OTOGL: variants seen among roughly 807,000 people sequenced by gnomAD.
OTOGL encodes the protein otogelin-like protein.
OTOGL carries 285 observed loss-of-function variants against 318.5 expected under a neutral mutation model. That is an observed-to-expected ratio of 0.89 (90% CI 0.81 to 0.99). The LOEUF (loss-of-function observed/expected upper bound fraction) is 0.99, where lower values mean the gene tolerates loss of function less well. OTOGL is among the 50% of genes least tolerant of loss of function. OTOGL has a pLI of 0.00. For missense variants in OTOGL, 2,899 were observed against 2,845.6 expected, an observed-to-expected ratio of 1.02 and a Z score of -0.43; for synonymous variants, 987 against 936.5, an observed-to-expected ratio of 1.05 and a Z score of -0.99.
intron 11 of OTOGL, among the ~76,000 whole-genome samples, chr12:80,250,077 T>A (rs958872963): frequency 1.3e-5 from 2 of 151,986 alleles, no homozygotes; most frequent in Admixed American, 6.6e-5. Flanking sequence ...CACTCCCTAG[T>A]GAGATGAACC....
chr12:80,248,713 C>G (rs1213638278), intron 11 of OTOGL, among the ~76,000 whole-genome samples: 4 of 145,360 alleles, frequency 2.8e-5, no homozygotes, highest in Non-Finnish European at 6.1e-5. Context: ...CGTTGGCCTG[C>G]CTTGCTAGAT....
chr12:80,112,802 A>G (rs1240974375), intron 1 of OTOGL, among the ~76,000 whole-genome samples: 4 of 131,240 alleles, frequency 3.0e-5, no homozygotes, highest in South Asian at 2.3e-4. Flanking sequence ...CTCTTTTTCT[A>G]TTGTTTGGAA....
chr12:80,205,956 C>T lies in OTOGL; in HGVS notation c.-19-3457C>T, dbSNP rs557601681. On this transcript the variant is annotated intron_variant, in intron 1 of 58. Coordinates refer to ENST00000547103, the MANE Select transcript of OTOGL (RefSeq NM_001378609.3). ...AATGTGTTGGGTTGAGGCCAATAGGCTGTCAGGTGTCACTTTCTAAAGATC... is the reference window on the plus strand; with the variant it reads ...AATGTGTTGGGTTGAGGCCAATAGGTTGTCAGGTGTCACTTTCTAAAGATC... 1.8e-4 allele frequency among the ~76,000 whole-genome samples: 28 copies of T among 152,290 alleles called. No homozygotes were observed. The South Asian group carries it at 5.8e-3, about 32-fold the overall frequency.
intron 43 of OTOGL, 69 bp from the exon 44 acceptor site, chr12:80,341,879 A>G: frequency 9.9e-7 from 1 of 1,011,576 alleles, no homozygotes; most frequent in East Asian, 2.6e-5. Context: ...TCAATTATTT[A>G]ACTGATTTAG....
chr12:80,102,691 ATGTCAGAC>A (rs1470184923), intron 1 of OTOGL, among the ~76,000 whole-genome samples: 19 of 152,250 alleles, frequency 1.2e-4, no homozygotes, highest in African/African-American at 4.1e-4. Flanking sequence ...TTTGAAAAAT[ATGTCAGAC>A]TGTGTTCTTC....
chr12:80,224,807 CA>C (rs1481622872), intron 7 of OTOGL, among the ~76,000 whole-genome samples: 1 of 151,900 alleles, frequency 6.6e-6, no homozygotes, highest in Non-Finnish European at 1.5e-5. Flanking sequence ...TTTAAGGCTA[CA>C]AATCTTCGTG....
At chr12:80,333,227 T>C (rs1888190556) in intron 38 of OTOGL, 149 bp downstream of exon 38, 7 of 659,922 alleles carry the variant, frequency 1.1e-5, no homozygotes, top group South Asian at 2.2e-5. Context: ...ATGCATTTCA[T>C]TGGAACAATT....
intron 35 of OTOGL, among the ~76,000 whole-genome samples, chr12:80,328,305 TG>T: frequency 1.4e-5 from 2 of 140,976 alleles, no homozygotes; most frequent in Admixed American, 1.5e-4. Flanking sequence ...GGTGACAGAG[TG>T]AGACCCTGTC....
intron 44 of OTOGL, among the ~76,000 whole-genome samples, chr12:80,345,235 A>AT (rs1342807856): frequency 2.2e-5 from 3 of 138,028 alleles, no homozygotes; most frequent in Admixed American, 1.5e-4. Flanking sequence ...TATTATATAT[A>AT]TATATTTTTT....
intron 52 of OTOGL, among the ~76,000 whole-genome samples, chr12:80,359,331 A>G (rs1592754310): frequency 6.6e-6 from 1 of 152,270 alleles, no homozygotes; most frequent in East Asian, 1.9e-4. Flanking sequence ...ACCTTATAGA[A>G]ATTTCAAATA....
Position 80,271,714 on chromosome 12 carries a change from G to A in OTOGL, c.2585G>A (p.Gly862Asp). ...TTTCCTGACCCTGAATTACCAGCTG[G>A]TGGTGTTAATTGTGAGACTACATGT... The part of the protein sequence containing the change: ...CRFPDPELPA[G>D]GVNCETTCAN... Residue 862 changes from glycine (G) to aspartate (D), a missense_variant, in exon 24 of 59, where the codon GGT (glycine) becomes GAT (aspartate). By Grantham distance (94) the Gly-to-Asp change is moderately conservative (BLOSUM62 -1). Coordinates refer to ENST00000547103, the MANE Select transcript of OTOGL (RefSeq NM_001378609.3). 2.5e-6 allele frequency: 4 copies of A among 1,612,926 alleles called. No homozygotes were observed. The highest frequency in any genetic ancestry group is 3.4e-6 in the Non-Finnish European group (4 of 1,179,282).
At chr12:80,276,572 G>A (rs572885705) in intron 24 of OTOGL, among the ~76,000 whole-genome samples, 202 of 151,670 alleles carry the variant, frequency 1.3e-3, no homozygotes, top group African/African-American at 4.7e-3. Context: ...AGATTGCATC[G>A]AATTGAGTTG....
chr12:80,135,419 C>T (rs920547144), intron 1 of OTOGL, among the ~76,000 whole-genome samples: 1 of 151,702 alleles, frequency 6.6e-6, no homozygotes, highest in Non-Finnish European at 1.5e-5. Flanking sequence ...ATTACAGGTG[C>T]CTACCACCAT....
chr12:80,143,827 A>G (rs1872119396), intron 1 of OTOGL, among the ~76,000 whole-genome samples: 1 of 152,176 alleles, frequency 6.6e-6, no homozygotes, highest in South Asian at 2.1e-4. Flanking sequence ...TTTTATTTAT[A>G]GAATAGTGAT....
At chr12:80,241,093 C>T (rs929091656) in intron 11 of OTOGL, among the ~76,000 whole-genome samples, 1 of 151,884 alleles carries the variant, frequency 6.6e-6, no homozygotes, top group African/African-American at 2.4e-5. Context: ...TCTTGAGTAG[C>T]TCATTAAGAG....
Position 80,242,433 on chromosome 12 carries a change from G to T in OTOGL, c.1052+2994G>T, listed in dbSNP as rs1176083111. 2.0e-5 allele frequency among the ~76,000 whole-genome samples: 3 copies of T among 152,134 alleles called. No individual in the cohort carries two copies. In the East Asian group the frequency reaches 5.8e-4, roughly 29 times the overall value. ...TTAAGTGGACGTTGATAAAATGGAA[G>T]TGAGAAGCTGCCAGAGCCAGCCTTT... On this transcript the variant is annotated intron_variant, in intron 11 of 58. Coordinates refer to ENST00000547103, the MANE Select transcript of OTOGL (RefSeq NM_001378609.3).
chr12:80,155,345 G>C (rs1043943956), intron 1 of OTOGL, among the ~76,000 whole-genome samples: 2 of 152,096 alleles, frequency 1.3e-5, no homozygotes, highest in African/African-American at 4.8e-5. Context: ...ATCTAAAAAA[G>C]TCATCACCCT....
chr12:80,103,204 C>A, intron 1 of OTOGL: 1 of 1,412,890 alleles, frequency 7.1e-7, no homozygotes, highest in Non-Finnish European at 1.0e-6. Flanking sequence ...ATGGATCGCT[C>A]GTTGTACTTC....
At chr12:80,211,024 A>G (rs1017327272) in intron 3 of OTOGL, 138 bp downstream of exon 3, 1 of 487,784 alleles carries the variant, frequency 2.1e-6, no homozygotes, top group African/African-American at 2.0e-5. Flanking sequence ...ACTTTAAAAA[A>G]CATTTCTGCA....
Sources: gnomAD v4.1 joint callset for allele counts (sites outside exome capture counted in the v4.1 genomes callset) on GRCh38, gnomAD v4.1.1 for gene constraint, MANE v1.5 for transcripts, NCBI Gene and HGNC (gene_info 2026-07-23, HGNC 2026-07-21) for gene names.